Variants in SLC6A13 observed in about 807,000 individuals in gnomAD.
The protein encoded by SLC6A13 is sodium- and chloride-dependent GABA transporter 2.
Under a neutral mutation model 72.9 loss-of-function variants are expected in SLC6A13, and 69 were observed. The ratio of observed to expected loss-of-function variants is 0.95; its 90% confidence interval spans 0.78 to 1.16. The LOEUF is 1.16. Among genes scored for constraint, SLC6A13 ranks in the 50% most tolerant of loss-of-function variants. The probability of loss-of-function intolerance (pLI) is 0.00; values close to 1 mark genes in which losing one functional copy is unlikely to be tolerated. For missense variants in SLC6A13, 735 were observed against 760.5 expected, an observed-to-expected ratio of 0.97 and a Z score of 0.39; for synonymous variants, 303 against 303.0, an observed-to-expected ratio of 1.00 and a Z score of 0.00.
In SLC6A13 at chr12:243,832, C is replaced by G. The variant is rs1311304156; in HGVS notation, c.203-19G>C. 1 of 1,611,208 alleles carries G rather than the reference C, an allele frequency of 6.2e-7. No individual in the cohort carries two copies. The highest frequency in any genetic ancestry group is 2.2e-5 in the East Asian group (1 of 44,864). On this transcript the variant is annotated intron_variant, in intron 2 of 14. Transcript: ENST00000343164. ...AAGGCACCTGTGGTTAGAAAACAGGCTGTTCATTTCCTGGGACTATTCTCC... is the reference window on the plus strand; with the variant it reads ...AAGGCACCTGTGGTTAGAAAACAGGGTGTTCATTTCCTGGGACTATTCTCC...
At chr12:228,416 G>A (rs775185918) in intron 7 of SLC6A13, among the ~76,000 whole-genome samples, 5 of 152,086 alleles carry the variant, frequency 3.3e-5, no homozygotes, top group South Asian at 4.2e-4. Flanking sequence ...CCTGCCCCTG[G>A]CGACGTGAGC....
In SLC6A13 at chr12:234,989, G is replaced by C. The variant is rs965571654; in HGVS notation, c.831+101C>G. The C allele has an allele frequency of 5.8e-6, 8 of 1,370,796 alleles. No homozygotes were observed. The African/African-American group carries it at 8.5e-5, about 15-fold the overall frequency. 84.9% of individuals were successfully genotyped at this position (1,370,796 alleles called of 1,614,324 possible). A position where few individuals can be genotyped will look rare whatever the true frequency, so the allele number is the denominator to read the frequency against. ...CTCTGCTGCCACTGTGGACACCCTA[G>C]GGTAGTGCTAGGTGCGGGGGTTCCC... On this transcript the variant is annotated intron_variant, in intron 7 of 14. Transcript: ENST00000343164.
chr12:224,115 T>C lies in SLC6A13; in HGVS notation c.1188A>G (p.Glu396=). 1.9e-6 allele frequency: 3 copies of C among 1,614,088 alleles called. No homozygotes were observed. The highest frequency in any genetic ancestry group is 2.5e-6 in the Non-Finnish European group (3 of 1,179,988). The change falls in exon 11 of 15, where the codon GAA becomes GAG. Residue 396 remains glutamate (E), a synonymous_variant. Transcript: ENST00000343164. The part of the protein sequence containing the change: ...LGLDSQFVCV[E]SLVTALVDMY... ...TGTCCACCAGCGCTGTCACCAGGCT[T>C]TCTACACACACAAACTGGATGACAG...
rs967630997 is a variant in SLC6A13, at chr12:258,883, G to C, written c.202+968C>G. ...ATTTTTAAAAAGAGAGCCTATACTA[G>C]AAGGGGCTGGGTAATGGATGGCTTA... On this transcript the variant is annotated intron_variant, in intron 2 of 14. Coordinates refer to ENST00000343164, the MANE Select transcript of SLC6A13 (RefSeq NM_016615.5). 11 of 978,482 alleles carry C rather than the reference G, an allele frequency of 1.1e-5. No homozygotes were observed. The Admixed American group carries it at 6.8e-4, about 60-fold the overall frequency. The allele number at this position is 978,482 out of a possible 1,614,324, so 60.6% of individuals were successfully genotyped here.
At chr12:245,581 G>A (rs929581488) in intron 2 of SLC6A13, among the ~76,000 whole-genome samples, 1 of 152,160 alleles carries the variant, frequency 6.6e-6, no homozygotes, top group African/African-American at 2.4e-5. Context: ...TTGGGAGGCT[G>A]AGGCAGGAGA....
intron 4 of SLC6A13, among the ~76,000 whole-genome samples, chr12:239,985 C>T (rs1271022433): frequency 6.6e-6 from 1 of 151,982 alleles, no homozygotes; most frequent in Non-Finnish European, 1.5e-5. Context: ...CCAGAGACCC[C>T]CAGGCAATCC....
chr12:231,690 T>C (rs1941715988), intron 7 of SLC6A13, among the ~76,000 whole-genome samples: 1 of 152,200 alleles, frequency 6.6e-6, no homozygotes, highest in Non-Finnish European at 1.5e-5. Flanking sequence ...GAGTAGAGAC[T>C]GAAAGAGGTC....
rs75531355 is a variant in SLC6A13, at chr12:233,670, C to T, written c.831+1420G>A. 1.7e-3 allele frequency among the ~76,000 whole-genome samples: 258 copies of T among 151,030 alleles called. 2 individuals are homozygous for T. Among genetic ancestry groups the T allele is most frequent in the African/African-American group, 5.7e-3 (238 of 41,430 alleles). ...GATGAGCTCCCAAGAGATAAATGTA[C>T]GAAGCGGGTGGGGAGAGGAGGGGAG... On this transcript the variant is annotated intron_variant, in intron 7 of 14. Coordinates refer to ENST00000343164, the MANE Select transcript of SLC6A13 (RefSeq NM_016615.5).
chr12:260,758 G>A (rs1942900088), intron 1 of SLC6A13, among the ~76,000 whole-genome samples: 1 of 152,154 alleles, frequency 6.6e-6, no homozygotes, highest in Non-Finnish European at 1.5e-5. Flanking sequence ...GATCATGCTT[G>A]ACAAATATTT....
intron 2 of SLC6A13, among the ~76,000 whole-genome samples, chr12:258,767 T>G (rs1392808134): frequency 6.6e-6 from 1 of 152,074 alleles, no homozygotes; most frequent in Non-Finnish European, 1.5e-5. Flanking sequence ...CCCAGGGGGC[T>G]GAAAGAGAGG....
In SLC6A13 at chr12:254,874, C is replaced by T. The variant is rs114574830; in HGVS notation, c.202+4977G>A. ...AAACCTGCTCCTCTGGGGCTAGGCACAGTGGCTTATGCCTGTAATCCCAGC... is the reference window on the plus strand; with the variant it reads ...AAACCTGCTCCTCTGGGGCTAGGCATAGTGGCTTATGCCTGTAATCCCAGC... On this transcript the variant is annotated intron_variant, in intron 2 of 14. Transcript: ENST00000343164. The surrounding 1 kb of genome is among the most constrained non-coding windows in gnomAD (Gnocchi z 4.4). 6.6e-6 allele frequency among the ~76,000 whole-genome samples: 1 copy of T among 152,208 alleles called. No homozygotes were observed. The highest frequency in any genetic ancestry group is 2.4e-5 in the African/African-American group (1 of 41,448).
Position 258,415 on chromosome 12 carries a change from C to T in SLC6A13, c.202+1436G>A, listed in dbSNP as rs138995121. Among the ~76,000 whole-genome samples the T allele has an allele frequency of 7.4e-3, 1,122 of 152,308 alleles. 9 individuals carry two copies. The highest frequency in any genetic ancestry group is 0.017 in the Middle Eastern group (5 of 294). On this transcript the variant is annotated intron_variant, in intron 2 of 14. Transcript: ENST00000343164. The stretch of plus-strand genomic sequence containing the variant: ...GACTCAAGCTGGATGCGTTCGGCAG[C>T]TCTTACTCACCTGCAAAAGGATAGG...
rs751330161 is a variant in SLC6A13, at chr12:221,495, T to C, written c.1567A>G (p.Lys523Glu). The change falls in exon 14 of 15, where the codon AAG (lysine) becomes GAG (glutamate). Residue 523 changes from lysine (K) to glutamate (E), a missense_variant. By Grantham distance (56) the Lys-to-Glu change is moderately conservative. Transcript: ENST00000343164. ...IKYTPLTYNK[K>E]YTYPWWGDAL... is the part of the protein sequence containing the mutation. Reference sequence around the variant, plus strand: ...TCGCCCCACCACGGGTACGTGTACTTCTTGTTGTAGGTCAGCGGAGTGTAC... The same window carrying C: ...TCGCCCCACCACGGGTACGTGTACTCCTTGTTGTAGGTCAGCGGAGTGTAC... The C allele has an allele frequency of 3.7e-6, 6 of 1,613,378 alleles. No individual in the cohort carries two copies. The highest frequency in any genetic ancestry group is 3.3e-5 in the Admixed American group (2 of 59,934).
intron 2 of SLC6A13, among the ~76,000 whole-genome samples, chr12:251,013 G>A (rs190980024): frequency 7.6e-4 from 115 of 151,778 alleles, no homozygotes; most frequent in Admixed American, 2.7e-3. Context: ...AAAATTAGCC[G>A]GGCATGGTGG....
At chr12:260,134 T>C in intron 1 of SLC6A13, 77 bp from the exon 2 acceptor site, 7 of 1,480,652 alleles carry the variant, frequency 4.7e-6, no homozygotes, top group Non-Finnish European at 6.5e-6. Context: ...TACCAACAAA[T>C]CCATAAGGGA....
intron 2 of SLC6A13, chr12:253,878 T>A (rs1433405718): frequency 2.0e-5 from 3 of 152,376 alleles, no homozygotes; most frequent in South Asian, 4.1e-4. Context: ...ACGGGTAACT[T>A]CTGCCCCGAG....
At chr12:246,480 T>A (rs540191803) in intron 2 of SLC6A13, among the ~76,000 whole-genome samples, 3 of 152,306 alleles carry the variant, frequency 2.0e-5, no homozygotes, top group African/African-American at 7.2e-5. Context: ...GATGTTAGAA[T>A]TAGCAGATGA....
In SLC6A13 at chr12:239,123, C is replaced by T. The variant is rs557992726; in HGVS notation, c.479-1113G>A. ...GTGGGGTGTGTTGGATCCATTCCCACACCATTTCCCTCAGCCACATGCTCT... is the reference window on the plus strand; with the variant it reads ...GTGGGGTGTGTTGGATCCATTCCCATACCATTTCCCTCAGCCACATGCTCT... On this transcript the variant is annotated intron_variant, in intron 4 of 14. Coordinates refer to ENST00000343164, the MANE Select transcript of SLC6A13 (RefSeq NM_016615.5). Among the ~76,000 whole-genome samples, 327 of 149,936 alleles carry T rather than the reference C, an allele frequency of 2.2e-3. 2 individuals are homozygous for T. The highest frequency in any genetic ancestry group is 7.8e-3 in the African/African-American group (314 of 40,180).
Position 223,999 on chromosome 12 carries a change from A to C in SLC6A13, c.1304T>G (p.Leu435Arg), listed in dbSNP as rs777527346. 6.2e-7 allele frequency: 1 copy of C among 1,612,230 alleles called. No homozygotes were observed. The highest frequency in any genetic ancestry group is 8.5e-7 in the Non-Finnish European group (1 of 1,179,336). Residue 435 changes from leucine to arginine, a missense_variant, in exon 11 of 15, where the codon CTC becomes CGC. Leu to Arg is a moderately radical substitution (Grantham distance 102). Coordinates refer to ENST00000343164, the MANE Select transcript of SLC6A13 (RefSeq NM_016615.5). ...CGCTTCCCAGGCCCTCACCTCTGTG[A>C]GCATGATCAGCCCCACAAGGAAGGA... ...VVSFLVGLIM[L>R]TEGGMYVFQL...
Sources: gnomAD v4.1 joint callset for allele counts (sites outside exome capture counted in the v4.1 genomes callset) on GRCh38, gnomAD v4.1.1 for gene constraint, Gnocchi (gnomAD v3.1) non-coding constraint, MANE v1.5 for transcripts, NCBI Gene and HGNC (gene_info 2026-07-23, HGNC 2026-07-21) for gene names.